Variants in KCNV2 observed in about 807,000 individuals in gnomAD.
KCNV2 encodes the protein potassium voltage-gated channel modifier subfamily V member 2.
Under a neutral mutation model 37.0 loss-of-function variants are expected in KCNV2, and 65 were observed. The observed-to-expected ratio is 1.76, with a 90% CI of 1.44 to 2.16. KCNV2 has a LOEUF of 2.16. Among genes scored for constraint, KCNV2 ranks in the 30% most tolerant of loss-of-function variants. The pLI is 0.00. For synonymous variants in KCNV2, 518 were observed against 328.6 expected, an observed-to-expected ratio of 1.58 and a Z score of -6.23; for missense variants, 1,232 against 766.7, an observed-to-expected ratio of 1.61 and a Z score of -7.17.
Position 2,718,896 on chromosome 9 carries a change from G to A in KCNV2, c.1157G>A (p.Arg386His), listed in dbSNP as rs776176542. The change falls in exon 1 of 2, where the codon CGC becomes CAC. Residue 386 changes from arginine to histidine, a missense_variant. Transcript: ENST00000382082. ...GTCATGCGCCTCATGCGCATCTTCC[G>A]CATCCTCAAGCTGGCGCGCCACTCC... ...LRVMRLMRIFRILKLARHSTG... is the reference protein window; with the variant it reads ...LRVMRLMRIFHILKLARHSTG... 27 of 1,608,678 alleles carry A rather than the reference G, an allele frequency of 1.7e-5. No homozygotes were observed. The highest frequency in any genetic ancestry group is 3.3e-5 in the Admixed American group (2 of 60,000).
chr9:2,720,936 C>T (rs971502361), intron 1 of KCNV2, among the ~76,000 whole-genome samples: 1 of 152,166 alleles, frequency 6.6e-6, no homozygotes, highest in Non-Finnish European at 1.5e-5. Flanking sequence ...ACCCATTGAT[C>T]TCACTTAAAT....
At chr9:2,726,974 G>A (rs770155052) in intron 1 of KCNV2, among the ~76,000 whole-genome samples, 8 of 152,030 alleles carry the variant, frequency 5.3e-5, no homozygotes, top group Non-Finnish European at 8.8e-5. Context: ...CCCCAACCCC[G>A]TCCATGGGAA....
rs144359766 is a variant in KCNV2, at chr9:2,722,932, A to G, written c.1356+3837A>G. Among the ~76,000 whole-genome samples the G allele has an allele frequency of 1.6e-4, 25 of 152,268 alleles. No homozygotes were observed. In the East Asian group the frequency reaches 4.8e-3, roughly 29 times the overall value. On this transcript the variant is annotated intron_variant, in intron 1 of 1. Coordinates refer to ENST00000382082, the MANE Select transcript of KCNV2 (RefSeq NM_133497.4). ...GAGAGAATGCAAGCCCCATCATGCA[A>G]ACACTTCATAAGTTTCTTTTCATGG...
chr9:2,721,032 A>G (rs1373266852), intron 1 of KCNV2, among the ~76,000 whole-genome samples: 1 of 152,178 alleles, frequency 6.6e-6, no homozygotes, highest in Non-Finnish European at 1.5e-5. Context: ...CTCAAAATCA[A>G]TGTTTTTCAT....
In KCNV2 at chr9:2,729,906, A is replaced by G. The variant is rs1292863833; in HGVS notation, c.*179A>G. 3.0e-6 allele frequency: 2 copies of G among 661,680 alleles called. No individual in the cohort carries two copies. Among genetic ancestry groups the G allele is most frequent in the Non-Finnish European group, 5.3e-6 (2 of 379,746 alleles). 41.0% of individuals were successfully genotyped at this position (661,680 alleles called of 1,614,324 possible). On this transcript the variant is annotated 3_prime_UTR_variant, in exon 2 of 2. Transcript: ENST00000382082. ...TTGGCCCAAACTCAGAATGTCTCAT[A>G]GTTGCTCTGTGTTGTGTGAAACATC...
intron 1 of KCNV2, among the ~76,000 whole-genome samples, chr9:2,727,012 G>A (rs1056244750): frequency 6.6e-6 from 1 of 152,016 alleles, no homozygotes; most frequent in African/African-American, 2.4e-5. Context: ...ACCGGTCCCT[G>A]GTGCCAAAGA....
At position 2,729,873 on chromosome 9, in the gene KCNV2, T is replaced by A. The variant is rs1820040179; in HGVS notation, c.*146T>A. On this transcript the variant is annotated 3_prime_UTR_variant, in exon 2 of 2. Coordinates refer to ENST00000382082, the MANE Select transcript of KCNV2 (RefSeq NM_133497.4). Reference sequence around the variant, plus strand: ...GTTCACAAAGTACTGCCTCTAGAAATACTCATTTTGGCCCAAACTCAGAAT... The same window carrying A: ...GTTCACAAAGTACTGCCTCTAGAAAAACTCATTTTGGCCCAAACTCAGAAT... 1.6e-5 allele frequency: 13 copies of A among 820,028 alleles called. No individual in the cohort carries two copies. The South Asian group carries it at 2.0e-4, about 13-fold the overall frequency. The allele number at this position is 820,028 out of a possible 1,614,324, so 50.8% of individuals were successfully genotyped here. A position where few individuals can be genotyped will look rare whatever the true frequency, so the allele number is the denominator to read the frequency against.
rs746359393 is a variant in KCNV2 at position 2,717,764 on chromosome 9, C to T, written c.25C>T (p.Arg9Trp). The T allele has an allele frequency of 5.0e-6, 8 of 1,614,080 alleles. No homozygotes were observed. Among genetic ancestry groups the T allele is most frequent in the Admixed American group, 3.3e-5 (2 of 60,012 alleles). The stretch of plus-strand genomic sequence containing the variant: ...CATGCTCAAACAGAGTGAGAGGAGA[C>T]GGTCCTGGAGCTACAGGCCCTGGAA... MLKQSERR[R>W]SWSYRPWNTT... Residue 9 changes from arginine (R) to tryptophan (W), a missense_variant, in exon 1 of 2, where the codon CGG becomes TGG. By Grantham distance (101) the Arg-to-Trp change is moderately radical. Transcript: ENST00000382082.
In KCNV2 at chr9:2,717,884, G is replaced by A. The variant is rs777604507; in HGVS notation, c.145G>A (p.Gly49Ser). 9.5e-5 allele frequency: 153 copies of A among 1,614,090 alleles called. 1 individual carries two copies. In the Middle Eastern group the frequency reaches 9.9e-4, roughly 10 times the overall value. ...SQASIHGWTE[G>S]NYNYYIEEDE... ...GGCCAGCATCCACGGCTGGACAGAG[G>A]GCAACTATAACTACTACATCGAGGA... The change falls in exon 1 of 2, where the codon GGC (glycine) becomes AGC (serine). Residue 49 changes from glycine to serine, a missense_variant. Gly to Ser is a moderately conservative substitution (Grantham distance 56, BLOSUM62 0). Transcript: ENST00000382082.
chr9:2,719,178 G>A (rs1819815079), intron 1 of KCNV2, 83 bp downstream of exon 1: 1 of 1,513,758 alleles, frequency 6.6e-7, no homozygotes, highest in Non-Finnish European at 9.0e-7. Context: ...TCAGCCACCA[G>A]GCTTTGGCTT....
At position 2,717,851 on chromosome 9, in the gene KCNV2, G is replaced by T; in HGVS notation, c.112G>T (p.Gly38Cys). 1 of 1,614,166 alleles carries T rather than the reference G, an allele frequency of 6.2e-7. No homozygotes were observed. Among genetic ancestry groups the T allele is most frequent in the Non-Finnish European group, 8.5e-7 (1 of 1,180,012 alleles). ...CATTTGCTCCCTGGGTGCCCGTTCCGGCTCCCAGGCCAGCATCCACGGCTG... is the reference window on the plus strand; with the variant it reads ...CATTTGCTCCCTGGGTGCCCGTTCCTGCTCCCAGGCCAGCATCCACGGCTG... The part of the protein sequence containing the change: ...RSICSLGARS[G>C]SQASIHGWTE... The change falls in exon 1 of 2, where the codon GGC becomes TGC. Residue 38 changes from glycine to cysteine, a missense_variant. Coordinates refer to ENST00000382082, the MANE Select transcript of KCNV2 (RefSeq NM_133497.4).
chr9:2,727,814 T>C (rs954888748), intron 1 of KCNV2, among the ~76,000 whole-genome samples: 1 of 152,162 alleles, frequency 6.6e-6, no homozygotes, highest in Admixed American at 6.5e-5. Context: ...ATTTCAAAAG[T>C]AGAAACTGAG....
intron 1 of KCNV2, among the ~76,000 whole-genome samples, chr9:2,726,717 G>C (rs1819973805): frequency 6.6e-6 from 1 of 152,104 alleles, no homozygotes; most frequent in Non-Finnish European, 1.5e-5. Flanking sequence ...CCCGGGCTGT[G>C]GAGTGGTACT....
intron 1 of KCNV2, among the ~76,000 whole-genome samples, chr9:2,729,235 G>C (rs1161790780): frequency 6.6e-6 from 1 of 152,184 alleles, no homozygotes; most frequent in East Asian, 1.9e-4. Flanking sequence ...TTCAGCCAAA[G>C]TCTTTCAGCT....
chr9:2,717,725 C>G lies in KCNV2; in HGVS notation c.-15C>G, dbSNP rs181712064. On this transcript the variant is annotated 5_prime_UTR_variant, in exon 1 of 2. Transcript: ENST00000382082. ...CAGCCAGGAGGAAAAAGCTAGGCGT[C>G]CACTTTCCGCAGCCATGCTCAAACA... 5 of 1,614,056 alleles carry G rather than the reference C, an allele frequency of 3.1e-6. No individual in the cohort carries two copies. The highest frequency in any genetic ancestry group is 4.2e-6 in the Non-Finnish European group (5 of 1,180,040).
chr9:2,728,708 C>T (rs911835365), intron 1 of KCNV2, among the ~76,000 whole-genome samples: 3 of 152,098 alleles, frequency 2.0e-5, no homozygotes, highest in East Asian at 1.9e-4. Flanking sequence ...ATTTGAACTA[C>T]GTAACAACTT....
In KCNV2 at chr9:2,718,085, G is replaced by C. The variant is rs768870558; in HGVS notation, c.346G>C (p.Ala116Pro). The change falls in exon 1 of 2, where the codon GCC becomes CCC. Residue 116 changes from alanine (A) to proline (P), a missense_variant. By Grantham distance (27) the Ala-to-Pro change is conservative (BLOSUM62 -1). Coordinates refer to ENST00000382082, the MANE Select transcript of KCNV2 (RefSeq NM_133497.4). ...CTACCAGCTGGACTACTGCGAGCTG[G>C]CCGGCTTCCCCAAGACGCGCCTAGG... ...HSYQLDYCEL[A>P]GFPKTRLGRL... The C allele has an allele frequency of 6.2e-7, 1 of 1,600,744 alleles. No homozygotes were observed. The highest frequency in any genetic ancestry group is 8.5e-7 in the Non-Finnish European group (1 of 1,173,366).
chr9:2,725,682 A>G (rs745540870), intron 1 of KCNV2, among the ~76,000 whole-genome samples: 12 of 152,210 alleles, frequency 7.9e-5, no homozygotes, highest in Admixed American at 1.3e-4. Flanking sequence ...CACCACCTCT[A>G]ATTCCTTTGG....
At chr9:2,729,409 G>A (rs762181620) in intron 1 of KCNV2, 37 bp from the exon 2 acceptor site, 2 of 1,611,248 alleles carry the variant, frequency 1.2e-6, no homozygotes, top group Non-Finnish European at 1.7e-6. Context: ...CCCGATCTTA[G>A]TGCTAACAAT....
Sources: gnomAD v4.1 joint callset for allele counts (sites outside exome capture counted in the v4.1 genomes callset) on GRCh38, gnomAD v4.1.1 for gene constraint, MANE v1.5 for transcripts, NCBI Gene and HGNC (gene_info 2026-07-23, HGNC 2026-07-21) for gene names.